BMPR1B: variants seen among roughly 807,000 people sequenced by gnomAD.
BMPR1B encodes bone morphogenetic protein receptor type-1B.
Under a neutral mutation model 59.1 loss-of-function variants are expected in BMPR1B, and 12 were observed. That is an observed-to-expected ratio of 0.20 (90% CI 0.13 to 0.33). The LOEUF (loss-of-function observed/expected upper bound fraction) is 0.33. BMPR1B is among the 10% of genes least tolerant of loss of function. BMPR1B has a pLI of 1.00. For missense variants in BMPR1B, 550 were observed against 610.9 expected, an observed-to-expected ratio of 0.90 and a Z score of 1.05; for synonymous variants, 237 against 207.3, an observed-to-expected ratio of 1.14 and a Z score of -1.23.
At chr4:94,901,952 G>GTA (rs911521574) in intron 2 of BMPR1B, among the ~76,000 whole-genome samples, 7 of 150,766 alleles carry the variant, frequency 4.6e-5, no homozygotes, top group African/African-American at 1.7e-4. Context: ...AGTCACATAG[G>GTA]TATATATTCA....
At chr4:94,881,091 G>T (rs888801089) in intron 2 of BMPR1B, among the ~76,000 whole-genome samples, 2 of 152,086 alleles carry the variant, frequency 1.3e-5, no homozygotes, top group African/African-American at 2.4e-5. Context: ...CCATTTTCAA[G>T]TATGTGGTTC....
At chr4:94,771,519 A>G (rs557511719) in intron 1 of BMPR1B, among the ~76,000 whole-genome samples, 1 of 152,346 alleles carries the variant, frequency 6.6e-6, no homozygotes, top group South Asian at 2.1e-4. Flanking sequence ...TGATAATTAA[A>G]GAGCCTTCGA....
intron 2 of BMPR1B, among the ~76,000 whole-genome samples, chr4:94,909,548 A>C (rs1193228305): frequency 2.6e-5 from 4 of 152,076 alleles, no homozygotes; most frequent in Non-Finnish European, 5.9e-5. Flanking sequence ...TGCATAGAAC[A>C]ATCCCCAGCA....
chr4:95,042,944 G>A (rs1486863717), intron 3 of BMPR1B, among the ~76,000 whole-genome samples: 2 of 151,742 alleles, frequency 1.3e-5, no homozygotes, highest in Admixed American at 1.3e-4. Flanking sequence ...GGGAGGCCGA[G>A]GCGGGTGGAT....
At chr4:95,130,197 A>C (rs968166496) in intron 9 of BMPR1B, 143 bp downstream of exon 9, 1 of 991,212 alleles carries the variant, frequency 1.0e-6, no homozygotes, top group Admixed American at 2.1e-5. Flanking sequence ...CAAGAACATC[A>C]TAAGTTTCTA....
At chr4:95,048,696 G>A (rs1282961618) in intron 3 of BMPR1B, among the ~76,000 whole-genome samples, 6 of 152,146 alleles carry the variant, frequency 3.9e-5, no homozygotes, top group Admixed American at 3.9e-4. Context: ...ACCTGGTACA[G>A]ATAGAGGCTT....
intron 3 of BMPR1B, among the ~76,000 whole-genome samples, chr4:95,057,178 A>G (rs72874690): frequency 0.023 from 3,467 of 152,206 alleles, 53 homozygotes; most frequent in Middle Eastern, 0.037. Context: ...GCTTGACTCA[A>G]AATGGTGGCT....
intron 1 of BMPR1B, among the ~76,000 whole-genome samples, chr4:94,772,862 T>G (rs1428648529): frequency 2.0e-5 from 3 of 152,136 alleles, no homozygotes; most frequent in Non-Finnish European, 4.4e-5. Flanking sequence ...TTCCTTTTAT[T>G]TGTTTTAATT....
chr4:94,862,562 G>A (rs984424261), intron 1 of BMPR1B, among the ~76,000 whole-genome samples: 3 of 151,612 alleles, frequency 2.0e-5, no homozygotes, highest in African/African-American at 2.4e-5. Context: ...CTAGCACTTT[G>A]GGAGGCCAGA....
At chr4:95,058,420 T>C (rs1201240653) in intron 3 of BMPR1B, among the ~76,000 whole-genome samples, 3 of 152,206 alleles carry the variant, frequency 2.0e-5, no homozygotes, top group Admixed American at 6.5e-5. Context: ...CATATTGGTG[T>C]CTTCACAGTT....
chr4:94,993,451 T>G (rs1435571435), intron 2 of BMPR1B, among the ~76,000 whole-genome samples: 1 of 152,070 alleles, frequency 6.6e-6, no homozygotes, highest in Non-Finnish European at 1.5e-5. Flanking sequence ...ACTAATGCAT[T>G]AAATTTGTAT....
intron 10 of BMPR1B, among the ~76,000 whole-genome samples, chr4:95,139,037 T>C (rs1281323687): frequency 6.6e-6 from 1 of 152,210 alleles, no homozygotes; most frequent in East Asian, 1.9e-4. Context: ...TCTCCCCATC[T>C]TTGTGGTTTT....
intron 10 of BMPR1B, among the ~76,000 whole-genome samples, chr4:95,136,744 C>T (rs1003730404): frequency 6.6e-6 from 1 of 152,018 alleles, no homozygotes; most frequent in Non-Finnish European, 1.5e-5. Flanking sequence ...TCTGTGGGAT[C>T]GGTGGTGATA....
intron 2 of BMPR1B, among the ~76,000 whole-genome samples, chr4:94,975,753 C>T (rs1451926682): frequency 6.6e-6 from 1 of 152,052 alleles, no homozygotes; most frequent in East Asian, 1.9e-4. Context: ...TGATTTCTCC[C>T]AAAGATTTAT....
chr4:94,925,686 C>G (rs762655683), intron 2 of BMPR1B, among the ~76,000 whole-genome samples: 23 of 152,100 alleles, frequency 1.5e-4, no homozygotes, highest in Non-Finnish European at 2.5e-4. Flanking sequence ...AGCTTTGAAA[C>G]TTGGACATGG....
chr4:94,840,506 A>T (rs1725013823), intron 1 of BMPR1B, among the ~76,000 whole-genome samples: 1 of 145,930 alleles, frequency 6.9e-6, no homozygotes, highest in South Asian at 2.2e-4. Flanking sequence ...GCTTCATTTC[A>T]TTCATTTCAC....
chr4:95,091,976 G>A (rs1463375888), intron 3 of BMPR1B, among the ~76,000 whole-genome samples: 1 of 152,002 alleles, frequency 6.6e-6, no homozygotes, highest in Non-Finnish European at 1.5e-5. Context: ...ATCAAGTGTT[G>A]TGGTTGTATA....
chr4:95,032,821 A>G (rs1243667526), intron 3 of BMPR1B, among the ~76,000 whole-genome samples: 1 of 152,174 alleles, frequency 6.6e-6, no homozygotes, highest in Non-Finnish European at 1.5e-5. Context: ...GGCTATTGTG[A>G]ATAATGCTGC....
chr4:94,867,138 T>G (rs1726278716), intron 1 of BMPR1B, among the ~76,000 whole-genome samples: 1 of 152,214 alleles, frequency 6.6e-6, no homozygotes, highest in African/African-American at 2.4e-5. Flanking sequence ...ACTTTTGTGT[T>G]CTAAAGGTTC....
Sources: gnomAD v4.1 joint callset for allele counts (sites outside exome capture counted in the v4.1 genomes callset) on GRCh38, gnomAD v4.1.1 for gene constraint, MANE v1.5 for transcripts, NCBI Gene and HGNC (gene_info 2026-07-23, HGNC 2026-07-21) for gene names.